The following GABRG3 variants were observed in gnomAD, a reference collection of about 807,000 sequenced individuals.
GABRG3 encodes gamma-aminobutyric acid receptor subunit gamma-3.
In GABRG3, 25 loss-of-function variants were observed where a neutral mutation model predicts 48.8. The ratio of observed to expected loss-of-function variants is 0.51; its 90% confidence interval spans 0.37 to 0.72. The LOEUF (loss-of-function observed/expected upper bound fraction) is 0.72. Among genes scored for constraint, GABRG3 ranks in the 30% least tolerant of loss-of-function variants. The pLI is 0.00. For synonymous variants in GABRG3, 227 were observed against 217.6 expected, an observed-to-expected ratio of 1.04 and a Z score of -0.38; for missense variants, 394 against 577.9, an observed-to-expected ratio of 0.68 and a Z score of 3.26.
At position 26,990,486 on chromosome 15, in the gene GABRG3, A is replaced by G. The variant is rs139739437; in HGVS notation, c.202+13336A>G. ...ATCAGATTATTAGATTTTTTTTCCT[A>G]TAATGTTTGTGTGAGCTCATTATAT... On this transcript the variant is annotated intron_variant, in intron 2 of 9. Transcript: ENST00000615808. Among the ~76,000 whole-genome samples the G allele has an allele frequency of 9.9e-4, 150 of 152,174 alleles. 3 individuals carry two copies. The highest frequency in any genetic ancestry group is 7.9e-3 in the South Asian group (38 of 4,826).
intron 5 of GABRG3, among the ~76,000 whole-genome samples, chr15:27,374,964 C>T (rs1895544311): frequency 6.6e-6 from 1 of 152,038 alleles, no homozygotes; most frequent in African/African-American, 2.4e-5. Flanking sequence ...ACTGATGACC[C>T]CCAACACAAT....
At chr15:27,403,963 T>C (rs1451680404) in intron 5 of GABRG3, among the ~76,000 whole-genome samples, 1 of 146,332 alleles carries the variant, frequency 6.8e-6, no homozygotes, top group African/African-American at 2.5e-5. Flanking sequence ...AGCTCACGCC[T>C]GTAGTCCCAG....
In GABRG3 at chr15:27,177,886, C is replaced by G. The variant is rs372323253; in HGVS notation, c.271-148923C>G. ...GCATGGGCAAGTAGGAATTTGTAGC[C>G]AATGAGCACAGTGGTGGTCAGAGGA... On this transcript the variant is annotated intron_variant, in intron 3 of 9. Transcript: ENST00000615808. Among the ~76,000 whole-genome samples the G allele has an allele frequency of 9.6e-4, 146 of 152,172 alleles. 1 individual carries two copies. Among genetic ancestry groups the G allele is most frequent in the African/African-American group, 3.4e-3 (143 of 41,518 alleles).
intron 2 of GABRG3, among the ~76,000 whole-genome samples, chr15:26,989,445 G>T (rs963116519): frequency 4.6e-5 from 7 of 152,122 alleles, no homozygotes; most frequent in Admixed American, 1.3e-4. Flanking sequence ...GAGTGGAATT[G>T]CTGGATGATT....
Position 27,177,580 on chromosome 15 carries a change from A to G in GABRG3, c.271-149229A>G, listed in dbSNP as rs752995441. Among the ~76,000 whole-genome samples, 70 of 152,276 alleles carry G rather than the reference A, an allele frequency of 4.6e-4. 1 individual carries two copies. Among genetic ancestry groups the G allele is most frequent in the Non-Finnish European group, 2.2e-4 (15 of 68,022 alleles). ...AAGTTATAAACTAAATTCCTCTCAT[A>G]GTTAGTTTGGCCTATGCTCAGGAAT... is the stretch of plus-strand genomic sequence containing the variant. On this transcript the variant is annotated intron_variant, in intron 3 of 9. Coordinates refer to ENST00000615808, the MANE Select transcript of GABRG3 (RefSeq NM_033223.5).
intron 2 of GABRG3, among the ~76,000 whole-genome samples, chr15:27,020,328 G>A (rs557327734): frequency 1.3e-5 from 2 of 152,246 alleles, no homozygotes; most frequent in South Asian, 2.1e-4. Context: ...TAAACACCTC[G>A]ACCTCTTCCC....
At chr15:27,168,523 A>C (rs1367696971) in intron 3 of GABRG3, among the ~76,000 whole-genome samples, 4 of 152,336 alleles carry the variant, frequency 2.6e-5, no homozygotes, top group African/African-American at 9.6e-5. Flanking sequence ...CACACCATAA[A>C]GCCTGTCAAC....
intron 3 of GABRG3, among the ~76,000 whole-genome samples, chr15:27,289,967 A>G (rs1466092965): frequency 2.6e-5 from 4 of 152,156 alleles, no homozygotes; most frequent in Non-Finnish European, 5.9e-5. Context: ...TATAATCCCA[A>G]TCTCTAATAA....
At position 27,113,908 on chromosome 15, in the gene GABRG3, G is replaced by C. The variant is rs1285032480; in HGVS notation, c.270+87087G>C. 2.0e-5 allele frequency among the ~76,000 whole-genome samples: 3 copies of C among 152,186 alleles called. No homozygotes were observed. In the East Asian group the frequency reaches 5.8e-4, roughly 29 times the overall value. Reference sequence around the variant, plus strand: ...GTCTTTCCCCTTTACTTACTAGTTTGAGTGATGCTAGGGAACCAGCTCATT... The same window carrying C: ...GTCTTTCCCCTTTACTTACTAGTTTCAGTGATGCTAGGGAACCAGCTCATT... On this transcript the variant is annotated intron_variant, in intron 3 of 9. Transcript: ENST00000615808.
chr15:27,216,308 TAAAAG>T (rs1395480709), intron 3 of GABRG3, among the ~76,000 whole-genome samples: 3 of 152,100 alleles, frequency 2.0e-5, no homozygotes, highest in African/African-American at 7.2e-5. Context: ...TTTTAAAAAA[TAAAAG>T]GGAGGATCTG....
rs562473633 is a variant in GABRG3 at position 27,405,221 on chromosome 15, G to C, written c.575-75429G>C. Among the ~76,000 whole-genome samples the C allele has an allele frequency of 3.5e-4, 53 of 152,228 alleles. 1 individual carries two copies. The South Asian group carries it at 0.01, about 30-fold the overall frequency. On this transcript the variant is annotated intron_variant, in intron 5 of 9. Transcript: ENST00000615808. ...ACACATTACCTAGAAATCAATTCCA[G>C]GTTGATTAAGAACATAAATATGAAT...
chr15:27,307,597 AT>A (rs1892666989), intron 3 of GABRG3, among the ~76,000 whole-genome samples: 1 of 114,366 alleles, frequency 8.7e-6, no homozygotes, highest in Non-Finnish European at 1.8e-5. Context: ...AGGTTTATAT[AT>A]TTATATATAA....
At chr15:27,134,260 A>G (rs7162153) in intron 3 of GABRG3, among the ~76,000 whole-genome samples, 129,123 of 152,212 alleles carry the variant, frequency 0.85, 55,459 homozygotes, top group Non-Finnish European at 0.89. Flanking sequence ...CACTTTATTA[A>G]CGAGCAGACT....
At chr15:27,288,784 A>G (rs1020874241) in intron 3 of GABRG3, among the ~76,000 whole-genome samples, 3 of 152,110 alleles carry the variant, frequency 2.0e-5, no homozygotes, top group African/African-American at 7.2e-5. Context: ...GTTATGTACC[A>G]GTTCTGAAGC....
intron 6 of GABRG3, among the ~76,000 whole-genome samples, chr15:27,517,474 G>C (rs144801927): frequency 6.6e-6 from 1 of 152,320 alleles, no homozygotes; most frequent in Non-Finnish European, 1.5e-5. Flanking sequence ...GGAGTATACT[G>C]AGCATAGGCA....
chr15:27,181,761 A>G (rs1459632536), intron 3 of GABRG3, among the ~76,000 whole-genome samples: 2 of 152,122 alleles, frequency 1.3e-5, no homozygotes, highest in Admixed American at 6.5e-5. Context: ...AAAGATCCCA[A>G]CGCTCAGAAG....
At chr15:27,411,971 G>C (rs1887811231) in intron 5 of GABRG3, among the ~76,000 whole-genome samples, 1 of 151,762 alleles carries the variant, frequency 6.6e-6, no homozygotes, top group Non-Finnish European at 1.5e-5. Context: ...CTTTATGTAG[G>C]TTTAATTTTG....
intron 5 of GABRG3, among the ~76,000 whole-genome samples, chr15:27,466,698 G>T (rs1036650228): frequency 6.6e-6 from 1 of 152,164 alleles, no homozygotes; most frequent in African/African-American, 2.4e-5. Flanking sequence ...CTCTTAAACC[G>T]TTGTATCCTA....
chr15:27,048,920 G>C (rs1896409310), intron 3 of GABRG3, among the ~76,000 whole-genome samples: 1 of 152,234 alleles, frequency 6.6e-6, no homozygotes, highest in African/African-American at 2.4e-5. Flanking sequence ...GTGACAGCCA[G>C]GTCCTGACTT....
Sources: allele counts gnomAD v4.1 joint callset (sites outside exome capture counted in the v4.1 genomes callset), GRCh38; gene constraint gnomAD v4.1.1; transcripts MANE v1.5; gene names NCBI Gene and HGNC (gene_info 2026-07-23, HGNC 2026-07-21).